Variants in SCHIP1 observed in about 807,000 individuals in gnomAD.
The protein encoded by SCHIP1 is schwannomin interacting protein 1.
A neutral mutation model predicts 29.7 loss-of-function variants in SCHIP1; 8 were observed. The observed-to-expected ratio is 0.27, with a 90% confidence interval of 0.16 to 0.49. The LOEUF (loss-of-function observed/expected upper bound fraction) is 0.49, where lower values mean the gene tolerates loss of function less well. SCHIP1 is among the 20% of genes least tolerant of loss of function. SCHIP1 has a pLI of 0.99. For synonymous variants in SCHIP1, 76 were observed against 94.9 expected (o/e 0.80, Z 1.16); for missense variants, 193 against 294.6 (o/e 0.66, Z 2.52).
the SCHIP1 span, among the ~76,000 whole-genome samples, chr3:159,507,352 TAAG>T: frequency 6.6e-6 from 1 of 152,224 alleles, no homozygotes; most frequent in African/African-American, 2.4e-5. Flanking sequence ...GCTTATCTCT[TAAG>T]GAGATTTTGC....
At chr3:159,343,694 G>T in the SCHIP1 span, among the ~76,000 whole-genome samples, 1 of 152,198 alleles carries the variant, frequency 6.6e-6, no homozygotes, top group Admixed American at 6.5e-5. Context: ...ATCTGGAAGA[G>T]AAAGAAGGGA....
At chr3:159,656,629 A>G in the SCHIP1 span, among the ~76,000 whole-genome samples, 2 of 152,146 alleles carry the variant, frequency 1.3e-5, no homozygotes, top group Admixed American at 1.3e-4. Flanking sequence ...TTCTCATCTG[A>G]ATTACGTGGT....
At chr3:159,360,171 C>T in the SCHIP1 span, among the ~76,000 whole-genome samples, 1 of 152,146 alleles carries the variant, frequency 6.6e-6, no homozygotes, top group Admixed American at 6.5e-5. Context: ...GACCATTAAG[C>T]TTTCACTTTC....
chr3:159,837,656 G>A (rs896928147), upstream of SCHIP1, among the ~76,000 whole-genome samples: 1 of 151,954 alleles, frequency 6.6e-6, no homozygotes, highest in African/African-American at 2.4e-5. Flanking sequence ...CTGGGAGGCA[G>A]AGGTTGCAGT....
the SCHIP1 span, among the ~76,000 whole-genome samples, chr3:159,708,950 G>A: frequency 3.9e-5 from 6 of 152,154 alleles, no homozygotes; most frequent in Non-Finnish European, 8.8e-5. Context: ...CATTTTCTGC[G>A]AGTTCCTTCA....
the SCHIP1 span, among the ~76,000 whole-genome samples, chr3:159,506,980 T>C: frequency 6.6e-6 from 1 of 152,216 alleles, no homozygotes; most frequent in African/African-American, 2.4e-5. Flanking sequence ...AACTTTAAAA[T>C]AGTTTTTTTC....
chr3:159,336,876 G>A, the SCHIP1 span, among the ~76,000 whole-genome samples: 2 of 152,114 alleles, frequency 1.3e-5, no homozygotes, highest in Non-Finnish European at 2.9e-5. Flanking sequence ...CCAATTCTGT[G>A]AAGAAAGTCA....
chr3:159,453,618 A>G, the SCHIP1 span, among the ~76,000 whole-genome samples: 1 of 152,176 alleles, frequency 6.6e-6, no homozygotes, highest in Non-Finnish European at 1.5e-5. Context: ...TTTGAGGTTC[A>G]CCATCATAAT....
chr3:159,770,650 T>G, the SCHIP1 span, among the ~76,000 whole-genome samples: 1 of 152,230 alleles, frequency 6.6e-6, no homozygotes, highest in East Asian at 1.9e-4. Context: ...TGTAAGAAGC[T>G]GCCTGTCTTC....
the SCHIP1 span, among the ~76,000 whole-genome samples, chr3:159,424,772 T>C: frequency 3.3e-5 from 5 of 151,778 alleles, no homozygotes; most frequent in East Asian, 7.8e-4. Context: ...CAGGAAAAAA[T>C]GTTAAGGGCA....
chr3:159,497,428 G>A, the SCHIP1 span, among the ~76,000 whole-genome samples: 3 of 151,804 alleles, frequency 2.0e-5, no homozygotes, highest in Non-Finnish European at 2.9e-5. Context: ...TCTATGCCAC[G>A]CCTGCTGCTT....
At chr3:159,451,097 G>A in the SCHIP1 span, among the ~76,000 whole-genome samples, 1 of 152,022 alleles carries the variant, frequency 6.6e-6, no homozygotes, top group African/African-American at 2.4e-5. Context: ...TTGAGCCACT[G>A]CGCCCGGCCC....
chr3:159,734,398 C>T, the SCHIP1 span, among the ~76,000 whole-genome samples: 1 of 151,946 alleles, frequency 6.6e-6, no homozygotes, highest in Non-Finnish European at 1.5e-5. Context: ...CCTCGGCCTC[C>T]CAAAGTGCTG....
the SCHIP1 span, among the ~76,000 whole-genome samples, chr3:159,751,719 GTAT>G: frequency 6.6e-6 from 1 of 151,756 alleles, no homozygotes; most frequent in African/African-American, 2.4e-5. Context: ...TAATTTTTTT[GTAT>G]TTTTTAGTAG....
chr3:159,361,880 A>G, the SCHIP1 span, among the ~76,000 whole-genome samples: 1 of 152,228 alleles, frequency 6.6e-6, no homozygotes, highest in Non-Finnish European at 1.5e-5. Context: ...CAAATGAAAT[A>G]GAAAGACATG....
At chr3:159,316,235 G>T in the SCHIP1 span, among the ~76,000 whole-genome samples, 1 of 152,008 alleles carries the variant, frequency 6.6e-6, no homozygotes, top group East Asian at 1.9e-4. Flanking sequence ...TAACTTACAC[G>T]GTCACAAGGT....
chr3:159,566,783 C>G, the SCHIP1 span, among the ~76,000 whole-genome samples: 1 of 152,088 alleles, frequency 6.6e-6, no homozygotes, highest in African/African-American at 2.4e-5. Flanking sequence ...AGGGAGGTAA[C>G]CAGGAGCAGA....
At chr3:159,300,882 T>A in the SCHIP1 span, among the ~76,000 whole-genome samples, 1 of 152,178 alleles carries the variant, frequency 6.6e-6, no homozygotes, top group African/African-American at 2.4e-5. Context: ...CTCCTTAAAG[T>A]TTTTGCAGAT....
chr3:159,833,239 T>A, the SCHIP1 span, among the ~76,000 whole-genome samples: 1 of 152,216 alleles, frequency 6.6e-6, no homozygotes, highest in Admixed American at 6.5e-5. Context: ...AAAATCAAGG[T>A]GTCCACTGAG....
Sources: gnomAD v4.1 joint callset for allele counts (sites outside exome capture counted in the v4.1 genomes callset) on GRCh38, gnomAD v4.1.1 for gene constraint, MANE v1.5 for transcripts, NCBI Gene and HGNC (gene_info 2026-07-23, HGNC 2026-07-21) for gene names.